SYT16: variants seen among roughly 807,000 people sequenced by gnomAD.
The protein encoded by SYT16 is synaptotagmin-16.
Under a neutral mutation model 61.4 loss-of-function variants are expected in SYT16, and 42 were observed. The observed-to-expected ratio is 0.68, with a 90% CI of 0.53 to 0.89. The LOEUF (loss-of-function observed/expected upper bound fraction) is 0.89, where lower values mean the gene tolerates loss of function less well. Among genes scored for constraint, SYT16 ranks in the 40% least tolerant of loss-of-function variants. SYT16 has a pLI of 0.00. For synonymous variants in SYT16, 314 were observed against 302.3 expected, an observed-to-expected ratio of 1.04 and a Z score of -0.40; for missense variants, 804 against 807.3, an observed-to-expected ratio of 1.00 and a Z score of 0.05.
In SYT16 at chr14:61,993,927, A is replaced by G. The variant is rs373914998; in HGVS notation, c.-144-1949A>G. Among the ~76,000 whole-genome samples, 8 of 152,278 alleles carry G rather than the reference A, an allele frequency of 5.3e-5. No individual in the cohort carries two copies. In the East Asian group the frequency reaches 1.2e-3, roughly 22 times the overall value. ...CAATGGGGATAAAATAGAGAACTAAACAGACAATCCCTGCCATCCAGGGAG... is the reference window on the plus strand; with the variant it reads ...CAATGGGGATAAAATAGAGAACTAAGCAGACAATCCCTGCCATCCAGGGAG... On this transcript the variant is annotated intron_variant, in intron 2 of 7. Coordinates refer to ENST00000683842, the MANE Select transcript of SYT16 (RefSeq NM_001367656.1).
At position 61,985,927 on chromosome 14, in the gene SYT16, G is replaced by C. The variant is rs150813223; in HGVS notation, c.-144-9949G>C. On this transcript the variant is annotated intron_variant, in intron 2 of 7. Transcript: ENST00000683842. Reference sequence around the variant, plus strand: ...TATTGGCTACCAACAGTAGTAACAAGTCCAATGGAGGTGGCTAAGGGGAGC... The same window carrying C: ...TATTGGCTACCAACAGTAGTAACAACTCCAATGGAGGTGGCTAAGGGGAGC... Among the ~76,000 whole-genome samples, 1,466 of 152,274 alleles carry C rather than the reference G, an allele frequency of 9.6e-3. 18 individuals carry two copies. The highest frequency in any genetic ancestry group is 0.034 in the African/African-American group (1,412 of 41,562).
At chr14:61,885,019 A>G (rs1053019417) in intron 1 of SYT16, among the ~76,000 whole-genome samples, 1 of 152,240 alleles carries the variant, frequency 6.6e-6, no homozygotes, top group African/African-American at 2.4e-5. Context: ...AGATCTGAGC[A>G]AAATAACCTC....
intron 1 of SYT16, among the ~76,000 whole-genome samples, chr14:61,932,605 C>A (rs925876765): frequency 6.6e-6 from 1 of 152,174 alleles, no homozygotes; most frequent in African/African-American, 2.4e-5. Context: ...CCTACCGGTT[C>A]CTTCCGTCAA....
At chr14:61,978,761 C>G (rs1230431658) in intron 2 of SYT16, among the ~76,000 whole-genome samples, 1 of 152,206 alleles carries the variant, frequency 6.6e-6, no homozygotes, top group Non-Finnish European at 1.5e-5. Flanking sequence ...GTTTCTCCAC[C>G]TGGCTCCCTC....
At chr14:61,905,150 A>G (rs1395179235) in intron 1 of SYT16, among the ~76,000 whole-genome samples, 2 of 152,208 alleles carry the variant, frequency 1.3e-5, no homozygotes, top group Non-Finnish European at 1.5e-5. Context: ...CCCTAGGGCC[A>G]TAAAGATGAG....
chr14:61,813,830 TGAG>T (rs1433717541), intron 1 of SYT16, among the ~76,000 whole-genome samples: 3 of 116,706 alleles, frequency 2.6e-5, no homozygotes, highest in Admixed American at 9.3e-5. Context: ...TTTTGAGAGG[TGAG>T]GAGGAAAAGA....
chr14:61,845,033 A>G (rs921483823), intron 1 of SYT16, among the ~76,000 whole-genome samples: 6 of 145,574 alleles, frequency 4.1e-5, no homozygotes, highest in Non-Finnish European at 9.0e-5. Context: ...TTTCTTTACT[A>G]GAAGACTTTT....
At chr14:62,053,511 C>G (rs1281730720) in intron 3 of SYT16, among the ~76,000 whole-genome samples, 1 of 152,206 alleles carries the variant, frequency 6.6e-6, no homozygotes, top group African/African-American at 2.4e-5. Flanking sequence ...TCTCTTATAA[C>G]AAATCTTTCT....
chr14:61,844,381 T>C (rs2046381744), intron 1 of SYT16, among the ~76,000 whole-genome samples: 1 of 152,202 alleles, frequency 6.6e-6, no homozygotes, highest in East Asian at 1.9e-4. Flanking sequence ...TTTATTTCTT[T>C]CTCTTGTCTG....
rs2057611623 is a variant in SYT16, at chr14:62,111,680, G to A, written c.*10973G>A. 1 of 152,054 alleles carries A rather than the reference G, an allele frequency of 6.6e-6. No homozygotes were observed. Among genetic ancestry groups the A allele is most frequent in the African/African-American group, 2.4e-5 (1 of 41,436 alleles). 9.4% of individuals were successfully genotyped at this position (152,054 alleles called of 1,614,324 possible). On this transcript the variant is annotated 3_prime_UTR_variant, in exon 8 of 8. Transcript: ENST00000683842. Reference sequence around the variant, plus strand: ...GAAGCCACCCCAATCCTCTCCCAGTGTTTCATAGGCATTTTCAGACCTGGA... The same window carrying A: ...GAAGCCACCCCAATCCTCTCCCAGTATTTCATAGGCATTTTCAGACCTGGA...
At chr14:61,818,650 C>G (rs2045518239) in intron 1 of SYT16, among the ~76,000 whole-genome samples, 1 of 149,658 alleles carries the variant, frequency 6.7e-6, no homozygotes, top group Non-Finnish European at 1.5e-5. Context: ...CGCACTCCAG[C>G]CTGGGAGACA....
At chr14:62,079,588 T>C (rs143752502) in intron 5 of SYT16, among the ~76,000 whole-genome samples, 34 of 152,302 alleles carry the variant, frequency 2.2e-4, no homozygotes, top group East Asian at 1.9e-3. Flanking sequence ...GAAAGTTTCA[T>C]TGATGGATGC....
chr14:62,032,366 A>G (rs1595207242), intron 3 of SYT16, among the ~76,000 whole-genome samples: 2 of 152,208 alleles, frequency 1.3e-5, no homozygotes, highest in African/African-American at 4.8e-5. Context: ...TAAGAGTTAG[A>G]ATAGTATACC....
intron 2 of SYT16, 23 bp from the exon 3 acceptor site, chr14:61,995,849 TGTAA>T (rs1466911203): frequency 1.6e-6 from 1 of 628,554 alleles, no homozygotes; most frequent in Non-Finnish European, 2.6e-6. Flanking sequence ...CTTTAACAGG[TGTAA>T]GTATTTCTTT....
chr14:61,989,885 G>A lies in SYT16; in HGVS notation c.-144-5991G>A, dbSNP rs1175754658. Among the ~76,000 whole-genome samples the A allele has an allele frequency of 2.0e-5, 3 of 152,176 alleles. No homozygotes were observed. In the East Asian group the frequency reaches 5.8e-4, roughly 29 times the overall value. On this transcript the variant is annotated intron_variant, in intron 2 of 7. Transcript: ENST00000683842. ...ATTTTATATTAACTGCCTCCCTGAA[G>A]TCCAGTGTAAAAAGGCCTGTTGGAT...
intron 1 of SYT16, among the ~76,000 whole-genome samples, chr14:61,885,572 A>G (rs2047867792): frequency 6.6e-6 from 1 of 152,214 alleles, no homozygotes; most frequent in East Asian, 1.9e-4. Context: ...CAAAGCAAGG[A>G]GACATTTAGA....
intron 1 of SYT16, among the ~76,000 whole-genome samples, chr14:61,914,881 T>C (rs217627): frequency 0.81 from 122,973 of 152,072 alleles, 50,352 homozygotes; most frequent in East Asian, 0.98. Context: ...CTTGTTACAC[T>C]CTGGCTTAAA....
chr14:61,914,807 C>A (rs2049058354), intron 1 of SYT16, among the ~76,000 whole-genome samples: 1 of 152,192 alleles, frequency 6.6e-6, no homozygotes. Flanking sequence ...TTCTTACAGC[C>A]TTGCCCCTTT....
At chr14:61,879,883 A>G (rs996583201) in intron 1 of SYT16, among the ~76,000 whole-genome samples, 2 of 151,996 alleles carry the variant, frequency 1.3e-5, no homozygotes, top group Admixed American at 1.3e-4. Flanking sequence ...TTGTCCTTCT[A>G]CTCTCCAGAA....
Sources: allele counts gnomAD v4.1 joint callset (sites outside exome capture counted in the v4.1 genomes callset), GRCh38; gene constraint gnomAD v4.1.1; transcripts MANE v1.5; gene names NCBI Gene and HGNC (gene_info 2026-07-23, HGNC 2026-07-21).